Variants in CLYBL observed in about 807,000 individuals in gnomAD.
CLYBL encodes the protein citramalyl-CoA lyase, mitochondrial.
CLYBL carries 31 observed loss-of-function variants against 38.9 expected under a neutral mutation model. The ratio of observed to expected loss-of-function variants is 0.80; its 90% CI spans 0.60 to 1.08. The LOEUF (loss-of-function observed/expected upper bound fraction) is 1.08, where lower values mean the gene tolerates loss of function less well. CLYBL is among the 50% of genes least tolerant of loss of function. The pLI is 0.00. For missense variants in CLYBL, 434 were observed against 411.6 expected, an observed-to-expected ratio of 1.05 and a Z score of -0.47; for synonymous variants, 171 against 158.6, an observed-to-expected ratio of 1.08 and a Z score of -0.59.
intron 2 of CLYBL, among the ~76,000 whole-genome samples, chr13:99,847,665 C>T (rs1187345150): frequency 6.6e-6 from 1 of 152,198 alleles, no homozygotes; most frequent in East Asian, 1.9e-4. Flanking sequence ...ACCTGAGAAA[C>T]CCACGTACAG....
intron 1 of CLYBL, among the ~76,000 whole-genome samples, chr13:99,666,703 G>A (rs188654225): frequency 5.8e-4 from 83 of 142,702 alleles, no homozygotes; most frequent in Admixed American, 4.2e-3. Context: ...TGCACACATG[G>A]TATTTTTTCC....
At chr13:99,670,121 C>T (rs543323092) in intron 1 of CLYBL, among the ~76,000 whole-genome samples, 2 of 152,144 alleles carry the variant, frequency 1.3e-5, no homozygotes, top group African/African-American at 4.8e-5. Context: ...ATTGCTTGAA[C>T]CTGGGAGGCG....
chr13:99,670,531 G>A (rs1166981217), intron 1 of CLYBL, among the ~76,000 whole-genome samples: 1 of 152,132 alleles, frequency 6.6e-6, no homozygotes, highest in Non-Finnish European at 1.5e-5. Flanking sequence ...CTACTGGCCT[G>A]TTTTAGGATT....
chr13:99,841,778 A>AT (rs1326933570), intron 2 of CLYBL, among the ~76,000 whole-genome samples: 1 of 131,120 alleles, frequency 7.6e-6, no homozygotes, highest in Admixed American at 7.5e-5. Context: ...ACACCTATGT[A>AT]TTTTTTTTCT....
rs113180797 is a variant in CLYBL at position 99,848,522 on chromosome 13, C to G, written c.250-10339C>G. Reference sequence around the variant, plus strand: ...CATTCTTTAAAAAAGGGCACATCCCCTGTTACCTAAATGCCTTCAAGTATC... The same window carrying G: ...CATTCTTTAAAAAAGGGCACATCCCGTGTTACCTAAATGCCTTCAAGTATC... On this transcript the variant is annotated intron_variant, in intron 2 of 8. Coordinates refer to ENST00000339105, the MANE Select transcript of CLYBL (RefSeq NM_206808.5). 8.4e-3 allele frequency among the ~76,000 whole-genome samples: 1,280 copies of G among 152,334 alleles called. 20 individuals are homozygous for G. Among genetic ancestry groups the G allele is most frequent in the African/African-American group, 0.03 (1,231 of 41,566 alleles).
chr13:99,828,760 T>G (rs1387206762), intron 2 of CLYBL, among the ~76,000 whole-genome samples: 1 of 152,220 alleles, frequency 6.6e-6, no homozygotes, highest in African/African-American at 2.4e-5. Flanking sequence ...TCTGGGAATT[T>G]AGAAAGCCTT....
intron 1 of CLYBL, among the ~76,000 whole-genome samples, chr13:99,718,207 G>A (rs1381608617): frequency 6.6e-6 from 1 of 151,922 alleles, no homozygotes; most frequent in African/African-American, 2.4e-5. Context: ...CCTTCCTAGG[G>A]GAATGGGGAG....
At position 99,847,373 on chromosome 13, in the gene CLYBL, G is replaced by A. The variant is rs141094163; in HGVS notation, c.250-11488G>A. ...TGCTTGTTTACTTTTATTCTCCCAC[G>A]CAGACTGAGACCCAGCAGGAGGCTT... On this transcript the variant is annotated intron_variant, in intron 2 of 8. Transcript: ENST00000339105. Among the ~76,000 whole-genome samples the A allele has an allele frequency of 7.5e-3, 1,149 of 152,226 alleles. 8 individuals carry two copies. The highest frequency in any genetic ancestry group is 0.012 in the Non-Finnish European group (784 of 68,022).
intron 1 of CLYBL, among the ~76,000 whole-genome samples, chr13:99,619,860 CT>C (rs1466228640): frequency 6.6e-6 from 1 of 152,144 alleles, no homozygotes; most frequent in Non-Finnish European, 1.5e-5. Flanking sequence ...AAGTATATAG[CT>C]TTTTGAGCTC....
chr13:99,635,305 G>T (rs920870147), intron 1 of CLYBL, among the ~76,000 whole-genome samples: 1 of 151,722 alleles, frequency 6.6e-6, no homozygotes, highest in South Asian at 2.1e-4. Flanking sequence ...TCTGCACCAC[G>T]CCCCCCACAC....
chr13:99,799,300 A>T (rs2050081771), intron 2 of CLYBL, among the ~76,000 whole-genome samples: 1 of 152,084 alleles, frequency 6.6e-6, no homozygotes, highest in South Asian at 2.1e-4. Context: ...CTTCAGAAAG[A>T]TGGATATATC....
chr13:99,736,675 A>G (rs1022403737), intron 1 of CLYBL, among the ~76,000 whole-genome samples: 2 of 151,994 alleles, frequency 1.3e-5, no homozygotes, highest in Admixed American at 1.3e-4. Context: ...CCCAGAATGC[A>G]TCTTTGACTC....
chr13:99,826,717 C>T (rs1339653630), intron 2 of CLYBL, among the ~76,000 whole-genome samples: 1 of 152,148 alleles, frequency 6.6e-6, no homozygotes, highest in Non-Finnish European at 1.5e-5. Context: ...TCCATTTTAC[C>T]TCATCAGAAG....
chr13:99,841,187 T>TC (rs2051066607), intron 2 of CLYBL, among the ~76,000 whole-genome samples: 2 of 152,136 alleles, frequency 1.3e-5, no homozygotes, highest in African/African-American at 2.4e-5. Context: ...CTACCTGGAT[T>TC]CCTGAAGAAT....
At chr13:99,687,285 G>A (rs552589190) in intron 1 of CLYBL, among the ~76,000 whole-genome samples, 2 of 152,194 alleles carry the variant, frequency 1.3e-5, no homozygotes, top group Non-Finnish European at 2.9e-5. Context: ...CCTTTTATAT[G>A]CCTGCCTTGA....
rs191593947 is a variant in CLYBL, at chr13:99,876,223, C to T, written c.927+5161C>T. Among the ~76,000 whole-genome samples the T allele has an allele frequency of 8.9e-4, 135 of 150,998 alleles. 1 individual carries two copies. The East Asian group carries it at 0.025, about 28-fold the overall frequency. ...GATCACAAGGTCAGGAGTTTGAGACCAGCCTTGCCAACATAGTAAAACCCC... is the reference window on the plus strand; with the variant it reads ...GATCACAAGGTCAGGAGTTTGAGACTAGCCTTGCCAACATAGTAAAACCCC... On this transcript the variant is annotated intron_variant, in intron 7 of 8. Coordinates refer to ENST00000339105, the MANE Select transcript of CLYBL (RefSeq NM_206808.5).
At chr13:99,671,375 A>T (rs1245847039) in intron 1 of CLYBL, among the ~76,000 whole-genome samples, 2 of 152,180 alleles carry the variant, frequency 1.3e-5, no homozygotes, top group Non-Finnish European at 2.9e-5. Flanking sequence ...GTGTTTGATC[A>T]GGGGAGGGTA....
At chr13:99,786,398 T>G (rs2049796419) in intron 2 of CLYBL, among the ~76,000 whole-genome samples, 2 of 152,040 alleles carry the variant, frequency 1.3e-5, no homozygotes, top group Non-Finnish European at 2.9e-5. Context: ...GATGATCCCC[T>G]TCCTGTGTCC....
intron 1 of CLYBL, among the ~76,000 whole-genome samples, chr13:99,664,786 A>G (rs2047456822): frequency 6.6e-6 from 1 of 152,180 alleles, no homozygotes; most frequent in African/African-American, 2.4e-5. Flanking sequence ...ATCTCTATAA[A>G]ATATGACCAA....
Sources: allele counts gnomAD v4.1 joint callset (sites outside exome capture counted in the v4.1 genomes callset), GRCh38; gene constraint gnomAD v4.1.1; transcripts MANE v1.5; gene names NCBI Gene and HGNC (gene_info 2026-07-23, HGNC 2026-07-21).